EMG1: variants seen among roughly 807,000 people sequenced by gnomAD.
EMG1 encodes EMG1 N1-specific pseudouridine methyltransferase, also known as ribosomal RNA small subunit methyltransferase NEP1.
A neutral mutation model predicts 26.9 loss-of-function variants in EMG1; 24 were observed. The ratio of observed to expected loss-of-function variants is 0.89; its 90% CI spans 0.65 to 1.26. EMG1 has a LOEUF of 1.26. Among genes scored for constraint, EMG1 ranks in the 50% most tolerant of loss-of-function variants. The probability of loss-of-function intolerance (pLI) is 0.00; values close to 1 mark genes in which losing one functional copy is unlikely to be tolerated. For synonymous variants in EMG1, 140 were observed against 112.6 expected (o/e 1.24, Z -1.54); for missense variants, 299 against 307.6 (o/e 0.97, Z 0.21).
intron 1 of EMG1, among the ~76,000 whole-genome samples, chr12:6,972,230 A>G (rs1337708266): frequency 6.6e-6 from 1 of 152,136 alleles, no homozygotes; most frequent in Non-Finnish European, 1.5e-5. Flanking sequence ...GTAATCTATT[A>G]AAAGAATAGA....
At chr12:6,981,742 C>G, downstream of EMG1, 1 of 1,425,412 alleles carries the variant, frequency 7.0e-7, no homozygotes, top group African/African-American at 1.4e-5. Flanking sequence ...GGGGGGGTGC[C>G]GAGGAAGTTT....
At position 6,979,715 on chromosome 12, in the gene EMG1, A is replaced by G. The variant is rs1223283967; in HGVS notation, c.*3906A>G. 83 of 644,302 alleles carry G rather than the reference A, an allele frequency of 1.3e-4. No individual in the cohort carries two copies. The highest frequency in any genetic ancestry group is 1.4e-4 in the Non-Finnish European group (50 of 359,676). The allele number at this position is 644,302 out of a possible 1,614,324, so 39.9% of individuals were successfully genotyped here. On this transcript the variant is annotated 3_prime_UTR_variant, in exon 6 of 6. Transcript: ENST00000599672. ...AATGGGATGAGAAGCTCTGCTGCCC[A>G]AAGTGTTTCCTGTTTCAGGGAAAGA...
chr12:6,992,312 A>G (rs1946596950), downstream of EMG1, among the ~76,000 whole-genome samples: 1 of 151,880 alleles, frequency 6.6e-6, no homozygotes, highest in Non-Finnish European at 1.5e-5. Flanking sequence ...TAGCCTGGGT[A>G]AGACCCTGCC....
intron 1 of EMG1, among the ~76,000 whole-genome samples, chr12:6,972,771 A>G (rs1591706672): frequency 6.7e-6 from 1 of 150,022 alleles, no homozygotes; most frequent in East Asian, 1.9e-4. Flanking sequence ...CTTCATATAT[A>G]ATCACTGCCC....
At position 6,979,720 on chromosome 12, in the gene EMG1, GT is replaced by G; in HGVS notation, c.*3914del. On this transcript the variant is annotated 3_prime_UTR_variant, in exon 6 of 6. Transcript: ENST00000599672. ...GATGAGAAGCTCTGCTGCCCAAAGT[GT>G]TTCCTGTTTCAGGGAAAGATTTCTA... 1.6e-6 allele frequency: 1 copy of G among 632,078 alleles called. No homozygotes were observed. Among genetic ancestry groups the G allele is most frequent in the Non-Finnish European group, 2.8e-6 (1 of 353,096 alleles). The allele number at this position is 632,078 out of a possible 1,614,324, so 39.2% of individuals were successfully genotyped here.
At position 6,977,215 on chromosome 12, in the gene EMG1, T is replaced by C. The variant is rs1946413989; in HGVS notation, c.*1406T>C. 6.2e-7 allele frequency: 1 copy of C among 1,614,028 alleles called. No individual in the cohort carries two copies. Among genetic ancestry groups the C allele is most frequent in the African/African-American group, 1.3e-5 (1 of 75,036 alleles). On this transcript the variant is annotated 3_prime_UTR_variant, in exon 6 of 6. Transcript: ENST00000599672. This position sits in a 1 kb window ranked among gnomAD's most constrained non-coding sequence, Gnocchi z 4.5. Reference sequence around the variant, plus strand: ...TGTGAATATAAGGCAATATGAATAGTAGGCTCAGGAAGAAGATGTGGCCAA... The same window carrying C: ...TGTGAATATAAGGCAATATGAATAGCAGGCTCAGGAAGAAGATGTGGCCAA...
chr12:6,993,405 G>A (rs1591552234), intron 7 of EMG1, among the ~76,000 whole-genome samples: 1 of 151,810 alleles, frequency 6.6e-6, no homozygotes, highest in East Asian at 1.9e-4. Context: ...CTGCACTCCA[G>A]CCTGGCAACA....
downstream of EMG1, chr12:6,980,079 G>A (rs184471716): frequency 1.4e-5 from 2 of 138,644 alleles, no homozygotes; most frequent in East Asian, 4.2e-4. Context: ...TCAGGGCCTT[G>A]CTCTGCCACT....
Position 6,979,494 on chromosome 12 carries a change from A to G in EMG1, c.*3685A>G. On this transcript the variant is annotated 3_prime_UTR_variant, in exon 6 of 6. Coordinates refer to ENST00000599672, the MANE Select transcript of EMG1 (RefSeq NM_006331.8). Reference sequence around the variant, plus strand: ...ACGTCATAGTCTTCAGTGAGGAGATAGTCTTCTGTGATGTGGGGGCTGAGC... The same window carrying G: ...ACGTCATAGTCTTCAGTGAGGAGATGGTCTTCTGTGATGTGGGGGCTGAGC... 1 of 1,613,358 alleles carries G rather than the reference A, an allele frequency of 6.2e-7. No individual in the cohort carries two copies. The highest frequency in any genetic ancestry group is 8.5e-7 in the Non-Finnish European group (1 of 1,179,284).
intron 1 of EMG1, among the ~76,000 whole-genome samples, chr12:6,971,428 C>G (rs1946326657): frequency 6.6e-6 from 1 of 151,970 alleles, no homozygotes; most frequent in Admixed American, 6.5e-5. Context: ...CAGGTGCCAC[C>G]ACGCCCGGCT....
chr12:6,983,412 T>C, downstream of EMG1: 1 of 1,513,416 alleles, frequency 6.6e-7, no homozygotes, highest in Non-Finnish European at 9.2e-7. Context: ...GCGGTGTCAC[T>C]GCTAATTTAG....
At chr12:6,989,018 C>A (rs1017851188), downstream of EMG1, among the ~76,000 whole-genome samples, 3 of 151,398 alleles carry the variant, frequency 2.0e-5, no homozygotes. Flanking sequence ...CCCAGCTACT[C>A]GGGAGGCTGA....
chr12:6,986,070 C>T (rs1394551283), intron 6 of EMG1, among the ~76,000 whole-genome samples: 3 of 152,014 alleles, frequency 2.0e-5, no homozygotes, highest in South Asian at 2.1e-4. Context: ...CCACCACGCC[C>T]GGCCAACTGG....
chr12:6,974,005 G>A (rs1433076772), intron 1 of EMG1, among the ~76,000 whole-genome samples: 6 of 152,248 alleles, frequency 3.9e-5, no homozygotes, highest in African/African-American at 1.2e-4. Context: ...GTTCCAGGAT[G>A]TCTCATTGGC....
chr12:6,995,813 C>A (rs936282692), intron 7 of EMG1, among the ~76,000 whole-genome samples: 4 of 152,104 alleles, frequency 2.6e-5, no homozygotes, highest in Admixed American at 1.3e-4. Context: ...AAAATAAATC[C>A]AAAATCTGAC....
chr12:6,992,508 T>C (rs1188363948), downstream of EMG1, among the ~76,000 whole-genome samples: 3 of 152,162 alleles, frequency 2.0e-5, no homozygotes, highest in African/African-American at 7.2e-5. Context: ...TCAGTGCAAG[T>C]GTCAACATAG....
chr12:6,981,661 G>A (rs1946472447), downstream of EMG1: 2 of 1,612,342 alleles, frequency 1.2e-6, no homozygotes, highest in Non-Finnish European at 1.7e-6. Flanking sequence ...GATGGGTAGG[G>A]TGGTGGGAGA....
At chr12:6,981,189 CAAG>C, downstream of EMG1, 2 of 1,600,942 alleles carry the variant, frequency 1.2e-6, no homozygotes, top group Non-Finnish European at 1.7e-6. Context: ...AATTCTATGC[CAAG>C]AAGAGAATGC....
Position 6,979,649 on chromosome 12 carries a change from G to A in EMG1, c.*3840G>A. 1 of 1,070,860 alleles carries A rather than the reference G, an allele frequency of 9.3e-7. No homozygotes were observed. The highest frequency in any genetic ancestry group is 1.4e-6 in the Non-Finnish European group (1 of 692,740). The allele number at this position is 1,070,860 out of a possible 1,614,324, so 66.3% of individuals were successfully genotyped here. On this transcript the variant is annotated 3_prime_UTR_variant, in exon 6 of 6. Coordinates refer to ENST00000599672, the MANE Select transcript of EMG1 (RefSeq NM_006331.8). ...TATTCCCTTCACCCTCTGACCTTCAGTTATGGAGAGGAGTGTTTAGGGGTG... is the reference window on the plus strand; with the variant it reads ...TATTCCCTTCACCCTCTGACCTTCAATTATGGAGAGGAGTGTTTAGGGGTG...
Sources: allele counts gnomAD v4.1 joint callset (sites outside exome capture counted in the v4.1 genomes callset), GRCh38; gene constraint gnomAD v4.1.1; non-coding constraint Gnocchi (gnomAD v3.1); transcripts MANE v1.5; gene names NCBI Gene and HGNC (gene_info 2026-07-23, HGNC 2026-07-21).